Variants in BCAS3 observed in about 807,000 individuals in gnomAD.
BCAS3 encodes the protein BCAS3 microtubule associated cell migration factor, also known as BCAS4/BCAS3 fusion.
BCAS3 carries 53 observed loss-of-function variants against 116.1 expected under a neutral mutation model. That is an observed-to-expected ratio of 0.46 (90% CI 0.37 to 0.57). BCAS3 has a LOEUF of 0.57. BCAS3 is among the 20% of genes least tolerant of loss of function. The probability of loss-of-function intolerance (pLI) is 0.00; values close to 1 mark genes in which losing one functional copy is unlikely to be tolerated. For synonymous variants in BCAS3, 391 were observed against 408.2 expected, an observed-to-expected ratio of 0.96 and a Z score of 0.51; for missense variants, 917 against 1,165.4, an observed-to-expected ratio of 0.79 and a Z score of 3.10.
chr17:60,914,654 G>C (rs1377668801), intron 12 of BCAS3, among the ~76,000 whole-genome samples: 2 of 152,136 alleles, frequency 1.3e-5, no homozygotes, highest in Admixed American at 6.5e-5. Flanking sequence ...CCAGCCCTTA[G>C]ACAGCAAGAC....
intron 14 of BCAS3, among the ~76,000 whole-genome samples, chr17:60,953,735 A>ATTTT (rs536582159): frequency 3.6e-5 from 5 of 137,700 alleles, no homozygotes; most frequent in East Asian, 2.1e-4. Flanking sequence ...TCTTGAGTTG[A>ATTTT]TTTTTTTTTT....
chr17:61,293,462 A>G (rs945786730), intron 22 of BCAS3, among the ~76,000 whole-genome samples: 1 of 152,206 alleles, frequency 6.6e-6, no homozygotes, highest in Non-Finnish European at 1.5e-5. Flanking sequence ...GTGAAAAAAA[A>G]AGTTAAGAAC....
chr17:61,176,369 CCT>C (rs1568512000), intron 22 of BCAS3, among the ~76,000 whole-genome samples: 1 of 63,648 alleles, frequency 1.6e-5, no homozygotes. Context: ...TTTTTTTCTT[CCT>C]ATATTTTTGT....
intron 22 of BCAS3, among the ~76,000 whole-genome samples, chr17:61,120,889 A>C (rs2075755977): frequency 6.6e-6 from 1 of 152,088 alleles, no homozygotes; most frequent in African/African-American, 2.4e-5. Context: ...TTAATATGTA[A>C]GTTTATCCTC....
rs2061704442 is a variant in BCAS3 at position 60,967,163 on chromosome 17, T to C, written c.1221+19811T>C. On this transcript the variant is annotated intron_variant, in intron 14 of 23. Coordinates refer to ENST00000407086, the MANE Select transcript of BCAS3 (RefSeq NM_017679.5). This position sits in a 1 kb window ranked among gnomAD's most constrained non-coding sequence, Gnocchi z 4.7. ...GGGTTTTATACCTTGAAAAGCTTTCTTTTAGCACATCAGAGTTTTCTTGGT... is the reference window on the plus strand; with the variant it reads ...GGGTTTTATACCTTGAAAAGCTTTCCTTTAGCACATCAGAGTTTTCTTGGT... 6.6e-6 allele frequency among the ~76,000 whole-genome samples: 1 copy of C among 152,236 alleles called. No individual in the cohort carries two copies. Among genetic ancestry groups the C allele is most frequent in the African/African-American group, 2.4e-5 (1 of 41,462 alleles).
Position 61,355,597 on chromosome 17 carries a change from C to G in BCAS3, c.2426-12730C>G, listed in dbSNP as rs1193924047. Among the ~76,000 whole-genome samples the G allele has an allele frequency of 6.6e-6, 1 of 152,218 alleles. No homozygotes were observed. Among genetic ancestry groups the G allele is most frequent in the Non-Finnish European group, 1.5e-5 (1 of 68,040 alleles). On this transcript the variant is annotated intron_variant, in intron 22 of 23. Coordinates refer to ENST00000407086, the MANE Select transcript of BCAS3 (RefSeq NM_017679.5). The surrounding 1 kb of genome is among the most constrained non-coding windows in gnomAD (Gnocchi z 4.2). ...CTTGTCATCTTAAGCAACAATCTTA[C>G]TTCTCTCTGCCACAGTTCCTTGAAC... is the stretch of plus-strand genomic sequence containing the variant.
intron 15 of BCAS3, among the ~76,000 whole-genome samples, chr17:61,014,372 C>T (rs1274847078): frequency 6.6e-6 from 1 of 152,002 alleles, no homozygotes; most frequent in Non-Finnish European, 1.5e-5. Context: ...TGAAAGGCTA[C>T]ACACATAGAT....
chr17:60,725,678 A>G (rs1338611648), intron 5 of BCAS3, among the ~76,000 whole-genome samples: 1 of 152,152 alleles, frequency 6.6e-6, no homozygotes, highest in Non-Finnish European at 1.5e-5. Flanking sequence ...CACATCCTAT[A>G]ATATACAGGA....
chr17:61,055,183 T>C (rs890706716), intron 19 of BCAS3, among the ~76,000 whole-genome samples: 1 of 152,224 alleles, frequency 6.6e-6, no homozygotes, highest in African/African-American at 2.4e-5. Context: ...TGGGTTGATA[T>C]TGGCAGGAGC....
chr17:61,078,406 A>C lies in BCAS3; in HGVS notation c.2204A>C (p.His735Pro). ...MGPQFQFKTI[H>P]PSGQTTVISS... is the part of the protein sequence containing the mutation. ...CCACAGTTCCAGTTCAAAACCATCC[A>C]TCCCTCAGGCCAAACCACAGTTATC... The change falls in exon 21 of 24, where the codon CAT becomes CCT. Residue 735 changes from histidine (H) to proline (P), a missense_variant. His to Pro is a moderately conservative substitution (Grantham distance 77). Around this residue, in one of 3 missense-constraint regions of BCAS3, gnomAD observed 807 missense variants for 1,026.0 expected, o/e 0.79. Transcript: ENST00000407086. 1 of 1,614,126 alleles carries C rather than the reference A, an allele frequency of 6.2e-7. No homozygotes were observed. Among genetic ancestry groups the C allele is most frequent in the African/African-American group, 1.3e-5 (1 of 75,032 alleles).
intron 23 of BCAS3, among the ~76,000 whole-genome samples, chr17:61,385,278 T>C (rs1214528651): frequency 3.9e-5 from 6 of 152,170 alleles, no homozygotes; most frequent in African/African-American, 1.4e-4. Context: ...CCAGCCCTGC[T>C]CAACCCCACA....
chr17:60,924,304 A>G (rs2145158363), intron 12 of BCAS3, 103 bp from the exon 13 acceptor site: 1 of 899,098 alleles, frequency 1.1e-6, no homozygotes, highest in South Asian at 1.5e-5. Flanking sequence ...GAGTGGAAAC[A>G]TGTTATTTGG....
intron 10 of BCAS3, 128 bp downstream of exon 10, chr17:60,889,899 G>A: frequency 1.2e-6 from 1 of 868,922 alleles, no homozygotes; most frequent in Non-Finnish European, 1.8e-6. Context: ...CATTTGCTTT[G>A]GTTTGGTTTT....
At position 61,028,040 on chromosome 17, in the gene BCAS3, A is replaced by G. The variant is rs1187927275; in HGVS notation, c.1638-6626A>G. ...CAGAATACTGAAAAGAGTTCTGCACATATGTGTAGTTCTCATAACTGCTAA... is the reference window on the plus strand; with the variant it reads ...CAGAATACTGAAAAGAGTTCTGCACGTATGTGTAGTTCTCATAACTGCTAA... On this transcript the variant is annotated intron_variant, in intron 16 of 23. Transcript: ENST00000407086. This position sits in a 1 kb window ranked among gnomAD's most constrained non-coding sequence, Gnocchi z 4.3. 2.0e-5 allele frequency among the ~76,000 whole-genome samples: 3 copies of G among 151,928 alleles called. No individual in the cohort carries two copies. Among genetic ancestry groups the G allele is most frequent in the South Asian group, 2.1e-4 (1 of 4,830 alleles).
intron 5 of BCAS3, among the ~76,000 whole-genome samples, chr17:60,727,962 C>T (rs112625882): frequency 0.044 from 6,637 of 151,986 alleles, 532 homozygotes; most frequent in African/African-American, 0.15. Context: ...TGCATGCCAC[C>T]ATGCCTGGCT....
At chr17:60,786,840 C>T (rs1339477002) in intron 6 of BCAS3, among the ~76,000 whole-genome samples, 3 of 152,126 alleles carry the variant, frequency 2.0e-5, no homozygotes, top group African/African-American at 4.8e-5. Context: ...GTTTTATTAT[C>T]GACAATCCCT....
At chr17:60,756,745 G>A (rs2043021532) in intron 6 of BCAS3, among the ~76,000 whole-genome samples, 1 of 152,130 alleles carries the variant, frequency 6.6e-6, no homozygotes, top group South Asian at 2.1e-4. Flanking sequence ...GTGAGTGCAG[G>A]TTATACAGAT....
In BCAS3 at chr17:61,309,390, A is replaced by G. The variant is rs1346830054; in HGVS notation, c.2426-58937A>G. Reference sequence around the variant, plus strand: ...AGATGAGCATGCCTGAGTACTGAACACTACCGTGTCACTCCCCATGTTGCC... The same window carrying G: ...AGATGAGCATGCCTGAGTACTGAACGCTACCGTGTCACTCCCCATGTTGCC... On this transcript the variant is annotated intron_variant, in intron 22 of 23. Coordinates refer to ENST00000407086, the MANE Select transcript of BCAS3 (RefSeq NM_017679.5). This position sits in a 1 kb window ranked among gnomAD's most constrained non-coding sequence, Gnocchi z 4.6. 6.6e-6 allele frequency among the ~76,000 whole-genome samples: 1 copy of G among 151,950 alleles called. No individual in the cohort carries two copies. The highest frequency in any genetic ancestry group is 2.4e-5 in the African/African-American group (1 of 41,350).
chr17:61,275,894 A>C (rs767515603), intron 22 of BCAS3, among the ~76,000 whole-genome samples: 2 of 152,208 alleles, frequency 1.3e-5, no homozygotes, highest in Non-Finnish European at 1.5e-5. Flanking sequence ...ACTCATAATC[A>C]TACATGGAAG....
Sources: gnomAD v4.1 joint callset for allele counts (sites outside exome capture counted in the v4.1 genomes callset) on GRCh38, gnomAD v4.1.1 for gene constraint, gnomAD v4.1.1 regional missense constraint, Gnocchi (gnomAD v3.1) non-coding constraint, MANE v1.5 for transcripts, NCBI Gene and HGNC (gene_info 2026-07-23, HGNC 2026-07-21) for gene names.